HIP1: variants seen among roughly 807,000 people sequenced by gnomAD.
HIP1 encodes the protein huntingtin interacting protein 1, also known as huntingtin-interacting protein 1.
Under a neutral mutation model 147.6 loss-of-function variants are expected in HIP1, and 65 were observed. The ratio of observed to expected loss-of-function variants is 0.44; its 90% CI spans 0.36 to 0.54. The LOEUF is 0.54. Among genes scored for constraint, HIP1 ranks in the 20% least tolerant of loss-of-function variants. The pLI is 0.00. For missense variants in HIP1, 1,061 were observed against 1,299.6 expected (o/e 0.82, Z 2.82); for synonymous variants, 479 against 504.0 (o/e 0.95, Z 0.67).
chr7:75,689,234 G>A (rs939506090), intron 1 of HIP1, among the ~76,000 whole-genome samples: 80 of 151,912 alleles, frequency 5.3e-4, no homozygotes, highest in Middle Eastern at 3.4e-3. Context: ...GGCCGGGCAC[G>A]GTGGCTCACA....
intron 1 of HIP1, among the ~76,000 whole-genome samples, chr7:75,651,275 T>A (rs1214959869): frequency 6.6e-6 from 1 of 151,584 alleles, no homozygotes; most frequent in Non-Finnish European, 1.5e-5. Context: ...CTGGTCAATA[T>A]GGTGAAACCA....
At chr7:75,620,328 G>C (rs587659540) in intron 1 of HIP1, among the ~76,000 whole-genome samples, 17 of 150,350 alleles carry the variant, frequency 1.1e-4, no homozygotes, top group Admixed American at 3.4e-4. Flanking sequence ...AGAAGTTGCA[G>C]TGAGCCAATA....
At chr7:75,695,229 C>T (rs1167659487) in intron 1 of HIP1, among the ~76,000 whole-genome samples, 1 of 152,124 alleles carries the variant, frequency 6.6e-6, no homozygotes, top group Non-Finnish European at 1.5e-5. Context: ...GGCAGGCAGC[C>T]AGCACTCTCA....
At chr7:75,624,669 G>A (rs1797972267) in intron 1 of HIP1, among the ~76,000 whole-genome samples, 1 of 152,162 alleles carries the variant, frequency 6.6e-6, no homozygotes, top group Non-Finnish European at 1.5e-5. Flanking sequence ...GGCACTCAAG[G>A]CCTGGAGATC....
intron 1 of HIP1, among the ~76,000 whole-genome samples, chr7:75,692,171 C>A (rs1554518221): frequency 6.6e-6 from 1 of 152,140 alleles, no homozygotes; most frequent in Non-Finnish European, 1.5e-5. Flanking sequence ...CAAAGGCAGT[C>A]TTGCTTTTTA....
chr7:75,563,365 G>T, intron 9 of HIP1, 102 bp from the exon 10 acceptor site: 1 of 919,896 alleles, frequency 1.1e-6, no homozygotes, highest in Non-Finnish European at 1.8e-6. Context: ...CCAGCCCAAA[G>T]GCACAGGCTG....
intron 1 of HIP1, among the ~76,000 whole-genome samples, chr7:75,663,599 G>C (rs926083649): frequency 1.8e-4 from 27 of 152,084 alleles, no homozygotes; most frequent in Middle Eastern, 6.8e-3. Flanking sequence ...GGACAGCTCT[G>C]AGGATGGCCA....
intron 1 of HIP1, among the ~76,000 whole-genome samples, chr7:75,615,138 C>G (rs1262767642): frequency 5.3e-5 from 8 of 152,148 alleles, no homozygotes; most frequent in African/African-American, 1.7e-4. Flanking sequence ...TAGTAAGGCT[C>G]TTTGCCATAC....
intron 7 of HIP1, among the ~76,000 whole-genome samples, chr7:75,577,430 C>G (rs1018901089): frequency 6.6e-6 from 1 of 151,906 alleles, no homozygotes; most frequent in South Asian, 2.1e-4. Flanking sequence ...CAGCTACATG[C>G]TCTGGGAAAC....
intron 22 of HIP1, among the ~76,000 whole-genome samples, chr7:75,550,625 G>C (rs1554491927): frequency 6.6e-6 from 1 of 152,018 alleles, no homozygotes; most frequent in Non-Finnish European, 1.5e-5. Context: ...TGTAGCCCAG[G>C]CTGTATCAAA....
chr7:75,710,128 G>T (rs1801127125), intron 1 of HIP1, among the ~76,000 whole-genome samples: 1 of 151,898 alleles, frequency 6.6e-6, no homozygotes, highest in South Asian at 2.1e-4. Context: ...GAACTCCTAG[G>T]CTCACGTGAT....
At chr7:75,726,035 G>A (rs998504727) in intron 1 of HIP1, among the ~76,000 whole-genome samples, 1 of 151,950 alleles carries the variant, frequency 6.6e-6, no homozygotes, top group Non-Finnish European at 1.5e-5. Flanking sequence ...GCTGAGACGC[G>A]GTTTTACCAT....
intron 2 of HIP1, among the ~76,000 whole-genome samples, chr7:75,593,693 G>T (rs1452947590): frequency 6.7e-6 from 1 of 149,868 alleles, no homozygotes; most frequent in Non-Finnish European, 1.5e-5. Context: ...CTTGGTCCCT[G>T]CAGGGAGTCC....
chr7:75,542,261 T>C (rs1242662546), intron 28 of HIP1, among the ~76,000 whole-genome samples: 1 of 151,262 alleles, frequency 6.6e-6, no homozygotes, highest in Admixed American at 6.6e-5. Context: ...CTGGGTGCAG[T>C]GGTGGGCGCC....
At chr7:75,606,540 T>C (rs1312262652) in intron 1 of HIP1, among the ~76,000 whole-genome samples, 1 of 151,772 alleles carries the variant, frequency 6.6e-6, no homozygotes, top group Non-Finnish European at 1.5e-5. Flanking sequence ...CCCGCCATTG[T>C]ACTCCTGCCT....
chr7:75,565,348 T>C (rs1396621754), intron 9 of HIP1, among the ~76,000 whole-genome samples: 1 of 152,232 alleles, frequency 6.6e-6, no homozygotes, highest in East Asian at 1.9e-4. Flanking sequence ...CCCATCTTGC[T>C]GGTTTGGAGC....
chr7:75,687,936 G>A (rs781859348), intron 1 of HIP1, among the ~76,000 whole-genome samples: 3 of 152,026 alleles, frequency 2.0e-5, no homozygotes, highest in Admixed American at 6.6e-5. Flanking sequence ...TCTCTGGAGC[G>A]CTGGATTTTC....
chr7:75,687,608 T>C (rs913383090), intron 1 of HIP1, among the ~76,000 whole-genome samples: 4 of 152,180 alleles, frequency 2.6e-5, no homozygotes, highest in African/African-American at 9.6e-5. Context: ...GGAGTATTGC[T>C]TGAACCCAGG....
At chr7:75,595,533 G>A (rs1164242172) in intron 2 of HIP1, among the ~76,000 whole-genome samples, 2 of 151,604 alleles carry the variant, frequency 1.3e-5, no homozygotes, top group Non-Finnish European at 2.9e-5. Context: ...TAGTAGAGAC[G>A]GGGTTTCACC....
Sources: allele counts gnomAD v4.1 joint callset (sites outside exome capture counted in the v4.1 genomes callset), GRCh38; gene constraint gnomAD v4.1.1; transcripts MANE v1.5; gene names NCBI Gene and HGNC (gene_info 2026-07-23, HGNC 2026-07-21).